TPO: variants seen among roughly 807,000 people sequenced by gnomAD.
TPO encodes the protein thyroid microsomal antigen.
In TPO, 78 loss-of-function variants were observed where a neutral mutation model predicts 96.9. The ratio of observed to expected loss-of-function variants is 0.81; its 90% CI spans 0.67 to 0.97. The LOEUF (loss-of-function observed/expected upper bound fraction) is 0.97. Ranked by LOEUF, TPO falls within the 50% of genes least tolerant of loss-of-function variation. The probability of loss-of-function intolerance (pLI) is 0.00; values close to 1 mark genes in which losing one functional copy is unlikely to be tolerated. For missense variants in TPO, 1,252 were observed against 1,274.8 expected, an observed-to-expected ratio of 0.98 and a Z score of 0.27; for synonymous variants, 547 against 538.0, an observed-to-expected ratio of 1.02 and a Z score of -0.23.
In TPO at chr2:1,456,395, G is replaced by A. The variant is rs140850244; in HGVS notation, c.819+113G>A. 214 of 1,173,412 alleles carry A rather than the reference G, an allele frequency of 1.8e-4. No individual in the cohort carries two copies. The African/African-American group carries it at 2.2e-3, about 12-fold the overall frequency. 72.7% of individuals were successfully genotyped at this position (1,173,412 alleles called of 1,614,324 possible). ...AGTCTGTTTCTTTGTCCTATTCCCAGGGGTAGCAGTTGTGAATATCTGGTG... is the reference window on the plus strand; with the variant it reads ...AGTCTGTTTCTTTGTCCTATTCCCAAGGGTAGCAGTTGTGAATATCTGGTG... On this transcript the variant is annotated intron_variant, in intron 7 of 16. Transcript: ENST00000329066.
At chr2:1,438,891 A>T (rs1464683773) in intron 5 of TPO, 2 of 715,088 alleles carry the variant, frequency 2.8e-6, no homozygotes, top group Admixed American at 2.0e-5. Context: ...AGCAGGACAG[A>T]CCAAATAATG....
At chr2:1,479,408 A>G (rs537561311) in intron 8 of TPO, among the ~76,000 whole-genome samples, 10 of 152,328 alleles carry the variant, frequency 6.6e-5, no homozygotes, top group African/African-American at 2.4e-4. Flanking sequence ...TAGAATCTCA[A>G]AAATAATTCT....
At chr2:1,435,321 T>G (rs1422094265) in intron 4 of TPO, among the ~76,000 whole-genome samples, 1 of 152,228 alleles carries the variant, frequency 6.6e-6, no homozygotes, top group Non-Finnish European at 1.5e-5. Flanking sequence ...CTCAGCTTTT[T>G]GAAGAATGCG....
chr2:1,456,205 A>G lies in TPO; in HGVS notation c.742A>G (p.Thr248Ala). 6.2e-7 allele frequency: 1 copy of G among 1,614,142 alleles called. No homozygotes were observed. Among genetic ancestry groups the G allele is most frequent in the Non-Finnish European group, 8.5e-7 (1 of 1,180,042 alleles). ...CGACATCGCGTTCACACCACAGAGC[A>G]CCAGCAAAGCTGCCTTCGGGGGAGG... ...DHDIAFTPQS[T>A]SKAAFGGGAD... Residue 248 changes from threonine (T) to alanine (A), a missense_variant, in exon 7 of 17, where the codon ACC becomes GCC. Physicochemically the swap from Thr to Ala is moderately conservative, Grantham distance 58. Transcript: ENST00000329066.
intron 14 of TPO, among the ~76,000 whole-genome samples, chr2:1,514,584 G>A (rs1030867679): frequency 1.3e-5 from 2 of 152,120 alleles, no homozygotes; most frequent in South Asian, 2.1e-4. Context: ...AGAACTCCAG[G>A]GCTCCCCGGG....
intron 14 of TPO, 97 bp from the exon 15 acceptor site, chr2:1,516,786 T>G: frequency 8.7e-7 from 1 of 1,142,878 alleles, no homozygotes. Flanking sequence ...TGAAGGCCAC[T>G]GGCCCAGGAC....
At chr2:1,541,148 C>T (rs116625352) in intron 16 of TPO, 16,258 of 1,178,288 alleles carry the variant, frequency 0.014, 139 homozygotes, top group Non-Finnish European at 0.016. Context: ...TGCAGAACCC[C>T]AAGGGAGGCC....
chr2:1,416,629 C>T (rs1276163594), intron 2 of TPO, among the ~76,000 whole-genome samples: 1 of 152,232 alleles, frequency 6.6e-6, no homozygotes, highest in Non-Finnish European at 1.5e-5. Flanking sequence ...GCCCCGCGTG[C>T]TGGGCACATG....
intron 15 of TPO, among the ~76,000 whole-genome samples, chr2:1,531,877 T>G (rs1165957104): frequency 1.4e-5 from 1 of 71,978 alleles, no homozygotes; most frequent in African/African-American, 5.4e-5. Context: ...GTGTGCAACC[T>G]CCTCAAATCA....
intron 2 of TPO, among the ~76,000 whole-genome samples, chr2:1,415,460 C>G (rs1378693512): frequency 6.8e-6 from 1 of 147,228 alleles, no homozygotes; most frequent in Non-Finnish European, 1.5e-5. Flanking sequence ...AGTCCCGGGG[C>G]CCCTGGAGCA....
At chr2:1,376,727 A>G (rs1661727822) in intron 1 of TPO, among the ~76,000 whole-genome samples, 1 of 152,228 alleles carries the variant, frequency 6.6e-6, no homozygotes, top group African/African-American at 2.4e-5. Context: ...TGTGAAAGAA[A>G]AGTAAAGACA....
chr2:1,393,037 G>A (rs1215903590), intron 1 of TPO, among the ~76,000 whole-genome samples: 23 of 152,172 alleles, frequency 1.5e-4, no homozygotes, highest in Admixed American at 1.3e-3. Flanking sequence ...TCTCATAATG[G>A]TATAAAGAAA....
intron 15 of TPO, among the ~76,000 whole-genome samples, chr2:1,520,582 C>G (rs926494138): frequency 6.6e-6 from 1 of 152,236 alleles, no homozygotes; most frequent in African/African-American, 2.4e-5. Context: ...ATTAATGTGA[C>G]AAATTGTTGA....
intron 15 of TPO, among the ~76,000 whole-genome samples, chr2:1,519,876 T>C (rs1237761163): frequency 6.6e-6 from 1 of 152,198 alleles, no homozygotes; most frequent in Non-Finnish European, 1.5e-5. Flanking sequence ...AGCAATTTTC[T>C]TTAAGATTGA....
At chr2:1,396,794 ATG>A (rs2148367155) in intron 1 of TPO, among the ~76,000 whole-genome samples, 1 of 152,250 alleles carries the variant, frequency 6.6e-6, no homozygotes, top group South Asian at 2.1e-4. Context: ...TTTGCAAGCT[ATG>A]TGTGGGCAAA....
At position 1,516,914 on chromosome 2, in the gene TPO, C is replaced by T. The variant is rs762389335; in HGVS notation, c.2550C>T (p.Ile850=). ...GGAGGCTCCCTCGGGTGACTTGGATCTCCATGTCGCTGGCTGCTCTGCTGA... is the reference window on the plus strand; with the variant it reads ...GGAGGCTCCCTCGGGTGACTTGGATTTCCATGTCGCTGGCTGCTCTGCTGA... ...DSGRLPRVTW[I]SMSLAALLIG... The change falls in exon 15 of 17, where the codon ATC becomes ATT. Residue 850 remains isoleucine, a synonymous_variant. Transcript: ENST00000329066. The T allele has an allele frequency of 6.2e-7, 1 of 1,614,014 alleles. No individual in the cohort carries two copies. Among genetic ancestry groups the T allele is most frequent in the East Asian group, 2.2e-5 (1 of 44,866 alleles).
chr2:1,484,733 C>T lies in TPO; in HGVS notation c.1476C>T (p.Phe492=), dbSNP rs756980159. 1.1e-4 allele frequency: 174 copies of T among 1,614,020 alleles called. No homozygotes were observed. The highest frequency in any genetic ancestry group is 1.4e-4 in the Non-Finnish European group (165 of 1,180,038). ...TGTTCTCCACAGCCGCCTTCCGCTT[C>T]GGCCATGCCACGATCCACCCGCTGG... ...SNVFSTAAFR[F]GHATIHPLVR... Residue 492 remains phenylalanine (F), a synonymous_variant, in exon 9 of 17, where the codon TTC becomes TTT. Coordinates refer to ENST00000329066, the MANE Select transcript of TPO (RefSeq NM_001206744.2).
chr2:1,437,863 A>T (rs1033344685), intron 5 of TPO, among the ~76,000 whole-genome samples: 3 of 152,028 alleles, frequency 2.0e-5, no homozygotes, highest in African/African-American at 7.2e-5. Context: ...TTCCCGTGGA[A>T]GTGGGCTCAG....
intron 1 of TPO, among the ~76,000 whole-genome samples, chr2:1,400,336 T>C (rs777311309): frequency 6.6e-6 from 1 of 151,914 alleles, no homozygotes; most frequent in Non-Finnish European, 1.5e-5. Context: ...CTACTAAAAA[T>C]ATAAAAATTA....
Sources: allele counts gnomAD v4.1 joint callset (sites outside exome capture counted in the v4.1 genomes callset), GRCh38; gene constraint gnomAD v4.1.1; transcripts MANE v1.5; gene names NCBI Gene and HGNC (gene_info 2026-07-23, HGNC 2026-07-21).